The following SHANK2 variants were observed in gnomAD, a reference collection of about 807,000 sequenced individuals.
SHANK2 encodes SH3 and multiple ankyrin repeat domains protein 2.
A neutral mutation model predicts 133.7 loss-of-function variants in SHANK2; 43 were observed. That is an observed-to-expected ratio of 0.32 (90% confidence interval 0.25 to 0.41). The LOEUF is 0.41. SHANK2 is among the 10% of genes least tolerant of loss of function. The probability of loss-of-function intolerance (pLI) is 1.00; values close to 1 mark genes in which losing one functional copy is unlikely to be tolerated. For missense variants in SHANK2, 1,994 were observed against 2,235.8 expected (o/e 0.89, Z 2.18); for synonymous variants, 1,017 against 952.8 (o/e 1.07, Z -1.24).
chr11:70,487,558 G>A lies in SHANK2; in HGVS notation c.2735C>T (p.Pro912Leu), dbSNP rs1555154567. ...SPTTYNCPKS[P>L]TPRVYGTIKP... ...AATCGTCCCGTAGACTCTTGGAGTT[G>A]GGGACTTGGGGCAGTTGTAAGTGGT... Residue 912 changes from proline (P) to leucine (L), a missense_variant, in exon 25 of 26, where the codon CCA becomes CTA. Pro to Leu is a moderately conservative substitution (Grantham distance 98, BLOSUM62 -3). Transcript: ENST00000601538. This position sits in a 1 kb window ranked among gnomAD's most constrained non-coding sequence, Gnocchi z 5.8. The A allele has an allele frequency of 6.8e-6, 11 of 1,613,766 alleles. 1 individual carries two copies. In the South Asian group the frequency reaches 1.2e-4, roughly 18 times the overall value.
At position 70,717,021 on chromosome 11, in the gene SHANK2, GC is replaced by G. The variant is rs574451704; in HGVS notation, c.1778-18259del. Among the ~76,000 whole-genome samples the G allele has an allele frequency of 3.9e-4, 60 of 152,168 alleles. No homozygotes were observed. In the South Asian group the frequency reaches 0.012, roughly 31 times the overall value. On this transcript the variant is annotated intron_variant, in intron 14 of 25. Coordinates refer to ENST00000601538, the MANE Select transcript of SHANK2 (RefSeq NM_012309.5). Reference sequence around the variant, plus strand: ...GCTGATATAAACCATTATGCAGCCTGCAAACGCACAGGGTGTTTCTCCCTCT... The same window carrying G: ...GCTGATATAAACCATTATGCAGCCTGAAACGCACAGGGTGTTTCTCCCTCT...
intron 13 of SHANK2, among the ~76,000 whole-genome samples, chr11:70,805,563 G>A (rs193265105): frequency 6.6e-6 from 1 of 152,338 alleles, no homozygotes; most frequent in East Asian, 1.9e-4. Context: ...AGGGAAGGTG[G>A]CTCTCAGCAC....
chr11:71,118,938 T>C lies in SHANK2; in HGVS notation c.302A>G (p.Tyr101Cys), dbSNP rs1555100948. Residue 101 changes from tyrosine to cysteine, a missense_variant, in exon 4 of 26, where the codon TAC (tyrosine) becomes TGC (cysteine). Around this residue, in one of 5 missense-constraint regions of SHANK2, gnomAD observed 653 missense variants for 563.4 expected, o/e 1.16. Transcript: ENST00000601538. ...ATTGCTGGCCGGCTGGAACAGGCCG[T>C]AGTTCAGGACATCTTTCAAACTCTG... ...LTQSLKDVLN[Y>C]GLFQPASNGR... 7 of 1,551,754 alleles carry C rather than the reference T, an allele frequency of 4.5e-6. No homozygotes were observed. Among genetic ancestry groups the C allele is most frequent in the Non-Finnish European group, 6.1e-6 (7 of 1,147,006 alleles).
chr11:70,858,793 C>G (rs1047827468), intron 11 of SHANK2, among the ~76,000 whole-genome samples: 3 of 152,244 alleles, frequency 2.0e-5, no homozygotes, highest in Non-Finnish European at 4.4e-5. Context: ...GCACCTCCCA[C>G]TCACACCTCC....
At chr11:70,654,497 T>A (rs1178153604) in intron 17 of SHANK2, 5 of 152,246 alleles carry the variant, frequency 3.3e-5, no homozygotes, top group Non-Finnish European at 7.3e-5. Context: ...CCTTTCCTTT[T>A]TGTTTTCTAT....
chr11:71,238,365 C>T (rs1246032817), intron 1 of SHANK2, among the ~76,000 whole-genome samples: 2 of 152,190 alleles, frequency 1.3e-5, no homozygotes, highest in Non-Finnish European at 2.9e-5. Context: ...GGATGCTTAC[C>T]ATAGTCTCAG....
At chr11:71,061,724 G>T (rs1950988569) in intron 9 of SHANK2, among the ~76,000 whole-genome samples, 2 of 152,148 alleles carry the variant, frequency 1.3e-5, no homozygotes, top group South Asian at 2.1e-4. Flanking sequence ...GGGAACCTGG[G>T]AATGGTGAGT....
At chr11:70,913,227 A>G (rs1299944973) in intron 10 of SHANK2, among the ~76,000 whole-genome samples, 1 of 152,174 alleles carries the variant, frequency 6.6e-6, no homozygotes, top group African/African-American at 2.4e-5. Flanking sequence ...AACTTATTAT[A>G]TAAAGAGATT....
chr11:70,555,229 C>T (rs2059815166), intron 17 of SHANK2, among the ~76,000 whole-genome samples: 1 of 152,238 alleles, frequency 6.6e-6, no homozygotes, highest in African/African-American at 2.4e-5. Context: ...CTCCCTGAGA[C>T]ACAACACTAT....
chr11:70,698,399 G>C (rs887381409), intron 15 of SHANK2: 2 of 492,130 alleles, frequency 4.1e-6, no homozygotes, highest in Non-Finnish European at 7.4e-6. Flanking sequence ...GCCCACTGCC[G>C]TCATCCTTGA....
chr11:70,932,216 G>C (rs1282242371), intron 10 of SHANK2, among the ~76,000 whole-genome samples: 1 of 152,238 alleles, frequency 6.6e-6, no homozygotes, highest in Non-Finnish European at 1.5e-5. Context: ...CTGAACAGCC[G>C]AAACAAAGTT....
At chr11:71,228,536 T>C (rs1390587689) in intron 1 of SHANK2, among the ~76,000 whole-genome samples, 2 of 152,180 alleles carry the variant, frequency 1.3e-5, no homozygotes, top group African/African-American at 4.8e-5. Context: ...GGCGGTTGCA[T>C]TACCCGAGGT....
intron 14 of SHANK2, among the ~76,000 whole-genome samples, chr11:70,730,109 A>C (rs1272998691): frequency 6.6e-6 from 1 of 152,024 alleles, no homozygotes; most frequent in Non-Finnish European, 1.5e-5. Context: ...CTTGGAGAGG[A>C]GGAAGTGGGA....
intron 9 of SHANK2, among the ~76,000 whole-genome samples, chr11:71,059,077 T>C (rs1459417817): frequency 6.6e-6 from 1 of 151,990 alleles, no homozygotes; most frequent in Admixed American, 6.5e-5. Flanking sequence ...CTTAGCTGGG[T>C]GCGGTGGCAG....
chr11:71,062,670 T>C (rs1034222141), intron 9 of SHANK2, among the ~76,000 whole-genome samples: 7 of 152,162 alleles, frequency 4.6e-5, no homozygotes, highest in South Asian at 2.1e-4. Flanking sequence ...CCCCATCTCC[T>C]CTTATTTCTC....
intron 14 of SHANK2, among the ~76,000 whole-genome samples, chr11:70,724,625 A>AATTCCC (rs1223210463): frequency 2.0e-5 from 3 of 152,208 alleles, no homozygotes. Context: ...AGAGGTCCAG[A>AATTCCC]ATTCCCGAGC....
chr11:70,562,153 G>C (rs1016136529), intron 17 of SHANK2, among the ~76,000 whole-genome samples: 4 of 152,186 alleles, frequency 2.6e-5, no homozygotes, highest in Non-Finnish European at 4.4e-5. Flanking sequence ...GTTTTGGTTA[G>C]AGCTCACATC....
intron 10 of SHANK2, among the ~76,000 whole-genome samples, chr11:70,898,321 T>A (rs1555076127): frequency 1.4e-5 from 2 of 146,488 alleles, no homozygotes; most frequent in East Asian, 3.9e-4. Context: ...CATATATATA[T>A]GTGTATATAT....
At chr11:70,867,624 C>T (rs1255777244) in intron 11 of SHANK2, among the ~76,000 whole-genome samples, 1 of 152,192 alleles carries the variant, frequency 6.6e-6, no homozygotes, top group Non-Finnish European at 1.5e-5. Context: ...TCTTGAGAAT[C>T]GACGCTATAG....
Sources: allele counts gnomAD v4.1 joint callset (sites outside exome capture counted in the v4.1 genomes callset), GRCh38; gene constraint gnomAD v4.1.1; regional missense constraint gnomAD v4.1.1; non-coding constraint Gnocchi (gnomAD v3.1); transcripts MANE v1.5; gene names NCBI Gene and HGNC (gene_info 2026-07-23, HGNC 2026-07-21).